Variants in CACNA1D observed in about 807,000 individuals in gnomAD.
CACNA1D encodes the protein calcium voltage-gated channel subunit alpha1 D.
Under a neutral mutation model 257.1 loss-of-function variants are expected in CACNA1D, and 55 were observed. The observed-to-expected ratio is 0.21, with a 90% CI of 0.17 to 0.27. CACNA1D has a LOEUF of 0.27. CACNA1D is among the 10% of genes least tolerant of loss of function. The probability of loss-of-function intolerance (pLI) is 1.00; values close to 1 mark genes in which losing one functional copy is unlikely to be tolerated. For missense variants in CACNA1D, 1,876 were observed against 2,784.0 expected, an observed-to-expected ratio of 0.67 and a Z score of 7.34; for synonymous variants, 980 against 1,014.9, an observed-to-expected ratio of 0.97 and a Z score of 0.65.
chr3:53,800,620 C>T lies in CACNA1D; in HGVS notation c.5040+255C>T. 5.5e-6 allele frequency: 3 copies of T among 546,266 alleles called. No individual in the cohort carries two copies. The highest frequency in any genetic ancestry group is 2.7e-5 in the Admixed American group (1 of 36,590). The allele number at this position is 546,266 out of a possible 1,614,324, so 33.8% of individuals were successfully genotyped here. A position where few individuals can be genotyped will look rare whatever the true frequency, so the allele number is the denominator to read the frequency against. On this transcript the variant is annotated intron_variant, in intron 41 of 47. Coordinates refer to ENST00000350061, the MANE Select transcript of CACNA1D (RefSeq NM_001128840.3). The surrounding 1 kb of genome is among the most constrained non-coding windows in gnomAD (Gnocchi z 4.3). ...TGCCTGCTTCTGAGGAGCTCGGCCA[C>T]AGCCGCTGGCCCTGTGGATGAGCAT...
chr3:53,515,436 C>G (rs2091294314), intron 3 of CACNA1D, among the ~76,000 whole-genome samples: 1 of 152,138 alleles, frequency 6.6e-6, no homozygotes, highest in Non-Finnish European at 1.5e-5. Context: ...GCCTATACGG[C>G]ACTTCATCAT....
chr3:53,722,140 A>T (rs1348675565), intron 11 of CACNA1D, among the ~76,000 whole-genome samples, 174 bp from the exon 12 acceptor site: 1 of 152,162 alleles, frequency 6.6e-6, no homozygotes, highest in Non-Finnish European at 1.5e-5. Flanking sequence ...GACCAACATA[A>T]TTTTTATGAT....
chr3:53,622,854 G>C (rs78942916), intron 3 of CACNA1D, among the ~76,000 whole-genome samples: 2 of 151,846 alleles, frequency 1.3e-5, no homozygotes, highest in South Asian at 4.1e-4. Context: ...CATGAACTGT[G>C]ATAGAGGGAG....
At chr3:53,696,616 G>A (rs563690650) in intron 8 of CACNA1D, among the ~76,000 whole-genome samples, 155 of 152,272 alleles carry the variant, frequency 1.0e-3, no homozygotes, top group Admixed American at 4.2e-3. Flanking sequence ...CATTTGGATG[G>A]GGTAAGCCAG....
At chr3:53,684,620 T>TC (rs2094458710) in intron 8 of CACNA1D, among the ~76,000 whole-genome samples, 3 of 39,248 alleles carry the variant, frequency 7.6e-5, no homozygotes, top group African/African-American at 2.9e-4. Context: ...TGAAACTCTG[T>TC]CAAAAAAAAA....
At chr3:53,568,285 T>G (rs1171762022) in intron 3 of CACNA1D, among the ~76,000 whole-genome samples, 3 of 152,230 alleles carry the variant, frequency 2.0e-5, no homozygotes, top group Non-Finnish European at 4.4e-5. Flanking sequence ...GACCACTGAC[T>G]TCAAGCAAGA....
At chr3:53,753,975 A>G (rs2095245948) in intron 29 of CACNA1D, among the ~76,000 whole-genome samples, 1 of 152,274 alleles carries the variant, frequency 6.6e-6, no homozygotes, top group Admixed American at 6.5e-5. Context: ...CTAGAATAGT[A>G]CATATCATGC....
intron 8 of CACNA1D, among the ~76,000 whole-genome samples, chr3:53,676,288 C>A (rs1183887134): frequency 1.3e-5 from 2 of 152,052 alleles, no homozygotes; most frequent in Non-Finnish European, 2.9e-5. Flanking sequence ...GCCCTCCCAA[C>A]CACCACCTTC....
At chr3:53,797,971 T>A (rs959026023) in intron 40 of CACNA1D, 2 of 152,214 alleles carry the variant, frequency 1.3e-5, no homozygotes, top group African/African-American at 4.8e-5. Flanking sequence ...TTAAACCTTG[T>A]CTTTTTGTTT....
At chr3:53,505,342 C>T (rs188948862) in intron 3 of CACNA1D, among the ~76,000 whole-genome samples, 23 of 152,098 alleles carry the variant, frequency 1.5e-4, no homozygotes, top group African/African-American at 5.5e-4. Context: ...ATCTCCTGAC[C>T]TTGTGATCTG....
intron 3 of CACNA1D, among the ~76,000 whole-genome samples, chr3:53,610,213 A>G (rs1374938774): frequency 1.3e-5 from 2 of 152,170 alleles, no homozygotes; most frequent in Non-Finnish European, 2.9e-5. Flanking sequence ...TTGGGCTGTT[A>G]ATGGGTAGAA....
chr3:53,661,828 T>A (rs1221879801), intron 5 of CACNA1D, among the ~76,000 whole-genome samples: 1 of 152,224 alleles, frequency 6.6e-6, no homozygotes. Flanking sequence ...CTGTATTTCT[T>A]CCTTTCCCCA....
rs981239640 is a variant in CACNA1D, at chr3:53,723,187, G to C, written c.1667-247G>C. On this transcript the variant is annotated intron_variant, in intron 12 of 47. Coordinates refer to ENST00000350061, the MANE Select transcript of CACNA1D (RefSeq NM_001128840.3). This position sits in a 1 kb window ranked among gnomAD's most constrained non-coding sequence, Gnocchi z 5.6. ...CCCATTTTGTCATCAGTGACACTGAGACCTGGAGAAATCAAGTAACTTCTC... is the reference window on the plus strand; with the variant it reads ...CCCATTTTGTCATCAGTGACACTGACACCTGGAGAAATCAAGTAACTTCTC... Among the ~76,000 whole-genome samples, 2 of 152,160 alleles carry C rather than the reference G, an allele frequency of 1.3e-5. No homozygotes were observed. Among genetic ancestry groups the C allele is most frequent in the East Asian group, 3.9e-4 (2 of 5,186 alleles).
chr3:53,736,904 A>AC (rs1183809650), intron 20 of CACNA1D, among the ~76,000 whole-genome samples: 24 of 150,936 alleles, frequency 1.6e-4, no homozygotes, highest in African/African-American at 5.6e-4. Context: ...AAAAAAAAAA[A>AC]CAAAAAGAAC....
At chr3:53,561,206 T>G (rs1284386105) in intron 3 of CACNA1D, among the ~76,000 whole-genome samples, 1 of 152,196 alleles carries the variant, frequency 6.6e-6, no homozygotes, top group Non-Finnish European at 1.5e-5. Context: ...CTTCACACTC[T>G]AGGATGGCAC....
chr3:53,648,452 C>A (rs1159562759), intron 3 of CACNA1D, among the ~76,000 whole-genome samples: 1 of 152,134 alleles, frequency 6.6e-6, no homozygotes, highest in Non-Finnish European at 1.5e-5. Context: ...TGAGGCCTTC[C>A]TGTATCTTTC....
intron 3 of CACNA1D, among the ~76,000 whole-genome samples, chr3:53,615,179 C>G (rs1035431746): frequency 6.6e-6 from 1 of 152,222 alleles, no homozygotes; most frequent in African/African-American, 2.4e-5. Flanking sequence ...GCCCCATCAC[C>G]TGCTGTTCAG....
At chr3:53,713,536 G>GTGTT (rs2094785188) in intron 9 of CACNA1D, among the ~76,000 whole-genome samples, 1 of 137,796 alleles carries the variant, frequency 7.3e-6, no homozygotes, top group Non-Finnish European at 1.5e-5. Context: ...GTGTGTGTGT[G>GTGTT]TGTGTGTGAG....
intron 3 of CACNA1D, among the ~76,000 whole-genome samples, chr3:53,647,006 A>G (rs2094028331): frequency 6.6e-6 from 1 of 152,198 alleles, no homozygotes; most frequent in African/African-American, 2.4e-5. Flanking sequence ...TTTAGAGACT[A>G]CTGATTTAGA....
Sources: allele counts gnomAD v4.1 joint callset (sites outside exome capture counted in the v4.1 genomes callset), GRCh38; gene constraint gnomAD v4.1.1; non-coding constraint Gnocchi (gnomAD v3.1); transcripts MANE v1.5; gene names NCBI Gene and HGNC (gene_info 2026-07-23, HGNC 2026-07-21).